C12orf54: variants seen among roughly 807,000 people sequenced by gnomAD.
C12orf54 encodes uncharacterized protein C12orf54.
Under a neutral mutation model 26.4 loss-of-function variants are expected in C12orf54, and 24 were observed. The observed-to-expected ratio is 0.91, with a 90% confidence interval of 0.66 to 1.28. The LOEUF (loss-of-function observed/expected upper bound fraction) is 1.28, where lower values mean the gene tolerates loss of function less well. Ranked by LOEUF, C12orf54 falls within the 50% of genes most tolerant of loss-of-function variation. The pLI, the probability that C12orf54 is intolerant of heterozygous loss-of-function variation, is 0.00. For missense variants in C12orf54, 154 were observed against 150.9 expected, an observed-to-expected ratio of 1.02 and a Z score of -0.11; for synonymous variants, 54 against 47.0, an observed-to-expected ratio of 1.15 and a Z score of -0.61.
At chr12:48,489,365 AT>A (rs1937733291) in intron 5 of C12orf54, 11 of 317,856 alleles carry the variant, frequency 3.5e-5, no homozygotes, top group South Asian at 3.2e-4. Context: ...GTAAATAGAA[AT>A]AAAACCTCTT....
At chr12:48,435,061 C>T in the C12orf54 span, among the ~76,000 whole-genome samples, 2 of 152,000 alleles carry the variant, frequency 1.3e-5, no homozygotes, top group Admixed American at 6.6e-5. Context: ...CAGAGAAATC[C>T]TTAAAGGACC....
At chr12:48,473,478 C>T in the C12orf54 span, 3 of 467,302 alleles carry the variant, frequency 6.4e-6, no homozygotes, top group Non-Finnish European at 1.2e-5. Context: ...TATCCCCTCC[C>T]CCACTCCAAT....
chr12:48,492,171 T>C (rs1279816424), intron 6 of C12orf54, among the ~76,000 whole-genome samples: 1 of 152,168 alleles, frequency 6.6e-6, no homozygotes, highest in Non-Finnish European at 1.5e-5. Flanking sequence ...TCTATGCTTT[T>C]TCAGCCCCGC....
the C12orf54 span, among the ~76,000 whole-genome samples, chr12:48,413,359 A>G: frequency 6.6e-6 from 1 of 152,168 alleles, no homozygotes; most frequent in African/African-American, 2.4e-5. Flanking sequence ...TTTTTCTATT[A>G]GTTTTTCTGC....
rs1937767705 is a variant in C12orf54, at chr12:48,490,673, C to A, written c.169-139C>A. 6.5e-6 allele frequency: 6 copies of A among 919,334 alleles called. No homozygotes were observed. In the South Asian group the frequency reaches 9.2e-5, roughly 14 times the overall value. 56.9% of individuals were successfully genotyped at this position (919,334 alleles called of 1,614,324 possible). Reference sequence around the variant, plus strand: ...ATCTCAAAAAAAGAAAGAAAGAAATCTTGGGAGTTCCATGTCCAAGAAGCC... The same window carrying A: ...ATCTCAAAAAAAGAAAGAAAGAAATATTGGGAGTTCCATGTCCAAGAAGCC... On this transcript the variant is annotated intron_variant, in intron 5 of 8. Coordinates refer to ENST00000548364, the MANE Select transcript of C12orf54 (RefSeq NM_152319.4).
At chr12:48,454,461 T>C in the C12orf54 span, among the ~76,000 whole-genome samples, 19,279 of 152,084 alleles carry the variant, frequency 0.13, 1,615 homozygotes, top group Non-Finnish European at 0.2. Context: ...TTACCTGACA[T>C]AGAAAAAAGA....
At chr12:48,447,385 T>C in the C12orf54 span, among the ~76,000 whole-genome samples, 1 of 152,130 alleles carries the variant, frequency 6.6e-6, no homozygotes, top group African/African-American at 2.4e-5. Context: ...TAGACTATGG[T>C]GTTTTGCTAT....
upstream of C12orf54, among the ~76,000 whole-genome samples, chr12:48,479,076 G>A (rs542656355): frequency 4.7e-4 from 72 of 152,104 alleles, no homozygotes; most frequent in African/African-American, 1.2e-3. Flanking sequence ...TGTTTATTGC[G>A]GCACTATTCA....
At chr12:48,427,518 G>A in the C12orf54 span, among the ~76,000 whole-genome samples, 1 of 152,050 alleles carries the variant, frequency 6.6e-6, no homozygotes, top group South Asian at 2.1e-4. Flanking sequence ...TGTTCATCAA[G>A]GATATTGACC....
chr12:48,415,329 A>G, the C12orf54 span, among the ~76,000 whole-genome samples: 1 of 152,230 alleles, frequency 6.6e-6, no homozygotes, highest in Non-Finnish European at 1.5e-5. Flanking sequence ...CAATAAAGTT[A>G]ACTGCGGTTG....
chr12:48,473,108 T>C, the C12orf54 span: 3 of 1,613,162 alleles, frequency 1.9e-6, no homozygotes, highest in Non-Finnish European at 2.5e-6. Context: ...TCAACGGCTG[T>C]GACCCGGATG....
At chr12:48,462,032 A>T in the C12orf54 span, among the ~76,000 whole-genome samples, 8 of 151,658 alleles carry the variant, frequency 5.3e-5, no homozygotes, top group African/African-American at 9.7e-5. Context: ...AGGAGACATG[A>T]CATTTCCAGT....
At chr12:48,479,442 A>G (rs1187862148), upstream of C12orf54, among the ~76,000 whole-genome samples, 3 of 152,176 alleles carry the variant, frequency 2.0e-5, no homozygotes, top group Non-Finnish European at 4.4e-5. Context: ...CAGCACACCA[A>G]CATGGCACAT....
At chr12:48,437,502 G>T in the C12orf54 span, among the ~76,000 whole-genome samples, 1 of 152,094 alleles carries the variant, frequency 6.6e-6, no homozygotes, top group African/African-American at 2.4e-5. Context: ...AAAATCCTCA[G>T]TAAAATACTG....
the C12orf54 span, among the ~76,000 whole-genome samples, chr12:48,471,751 T>G: frequency 6.6e-6 from 1 of 152,218 alleles, no homozygotes; most frequent in Non-Finnish European, 1.5e-5. Context: ...TATAGCTTTA[T>G]AGGATAGTTT....
the C12orf54 span, among the ~76,000 whole-genome samples, chr12:48,465,751 T>C: frequency 1.3e-5 from 2 of 152,160 alleles, no homozygotes; most frequent in Non-Finnish European, 2.9e-5. Flanking sequence ...AACTAGATCA[T>C]GTCCTTTGCA....
chr12:48,491,219 G>T (rs918088130), intron 6 of C12orf54, among the ~76,000 whole-genome samples: 1 of 152,138 alleles, frequency 6.6e-6, no homozygotes. Context: ...CTAGATCAAG[G>T]TGCCAACAGA....
the C12orf54 span, among the ~76,000 whole-genome samples, chr12:48,443,464 G>A: frequency 6.6e-6 from 1 of 152,184 alleles, no homozygotes; most frequent in African/African-American, 2.4e-5. Flanking sequence ...AAATACTTAA[G>A]TGAGGTCAGT....
the C12orf54 span, among the ~76,000 whole-genome samples, chr12:48,421,512 CTTTTT>C: frequency 2.3e-5 from 1 of 43,474 alleles, no homozygotes; most frequent in Non-Finnish European, 4.1e-5. Flanking sequence ...ATATCATGTG[CTTTTT>C]TTTTTTTTTT....
Sources: allele counts gnomAD v4.1 joint callset (sites outside exome capture counted in the v4.1 genomes callset), GRCh38; gene constraint gnomAD v4.1.1; transcripts MANE v1.5; gene names NCBI Gene and HGNC (gene_info 2026-07-23, HGNC 2026-07-21).